The following ABCA1 variants were observed in gnomAD, a reference collection of about 807,000 sequenced individuals.
The protein encoded by ABCA1 is ATP binding cassette subfamily A member 1, also known as phospholipid-transporting ATPase ABCA1.
Under a neutral mutation model 262.5 loss-of-function variants are expected in ABCA1, and 133 were observed. That is an observed-to-expected ratio of 0.51 (90% CI 0.44 to 0.59). The LOEUF (loss-of-function observed/expected upper bound fraction) is 0.59. Among genes scored for constraint, ABCA1 ranks in the 20% least tolerant of loss-of-function variants. The pLI, the probability that ABCA1 is intolerant of heterozygous loss-of-function variation, is 0.00. For missense variants in ABCA1, 2,452 were observed against 2,777.5 expected, an observed-to-expected ratio of 0.88 and a Z score of 2.63; for synonymous variants, 1,022 against 1,043.5, an observed-to-expected ratio of 0.98 and a Z score of 0.40.
chr9:104,828,525 C>T (rs1348557765), intron 15 of ABCA1, among the ~76,000 whole-genome samples: 2 of 152,172 alleles, frequency 1.3e-5, no homozygotes, highest in Non-Finnish European at 2.9e-5. Context: ...GTCTAACCTG[C>T]AACAATATAT....
At chr9:104,835,198 A>C (rs897115758) in intron 11 of ABCA1, among the ~76,000 whole-genome samples, 9 of 151,762 alleles carry the variant, frequency 5.9e-5, no homozygotes, top group African/African-American at 2.2e-4. Context: ...TGGTGAGCCA[A>C]GATCATGCCA....
At position 104,829,017 on chromosome 9, in the gene ABCA1, G is replaced by A. The variant is rs759576379; in HGVS notation, c.2014C>T (p.Arg672Trp). 37 of 1,614,020 alleles carry A rather than the reference G, an allele frequency of 2.3e-5. No homozygotes were observed. Among genetic ancestry groups the A allele is most frequent in the East Asian group, 1.8e-4 (8 of 44,892 alleles). ...ATGCTGTTGTCCAGGCCCATGATCCGCATGGTCTCTTTCAGCCGTGCCTCC... is the reference window on the plus strand; with the variant it reads ...ATGCTGTTGTCCAGGCCCATGATCCACATGGTCTCTTTCAGCCGTGCCTCC... ...EKEARLKETM[R>W]IMGLDNSILW... Residue 672 changes from arginine (R) to tryptophan (W), a missense_variant, in exon 15 of 50, where the codon CGG (arginine) becomes TGG (tryptophan). Transcript: ENST00000374736.
intron 7 of ABCA1, among the ~76,000 whole-genome samples, chr9:104,849,130 A>C (rs966272210): frequency 1.1e-4 from 16 of 152,128 alleles, no homozygotes; most frequent in Non-Finnish European, 1.5e-5. Context: ...TTTTAGTTTA[A>C]ATTTCTTAAC....
intron 49 of ABCA1, among the ~76,000 whole-genome samples, chr9:104,784,872 G>A (rs1828783309): frequency 1.3e-5 from 2 of 152,168 alleles, no homozygotes; most frequent in East Asian, 1.9e-4. Context: ...TGGATCTCCT[G>A]ACCTCATGAT....
intron 7 of ABCA1, chr9:104,855,782 C>T: frequency 6.4e-7 from 1 of 1,568,658 alleles, no homozygotes; most frequent in Non-Finnish European, 8.6e-7. Flanking sequence ...AGCTGACCCT[C>T]CCACACTGCC....
rs756549407 is a variant in ABCA1, at chr9:104,787,961, T to C, written c.6163A>G (p.Thr2055Ala). 7 of 1,614,216 alleles carry C rather than the reference T, an allele frequency of 4.3e-6. No homozygotes were observed. The South Asian group carries it at 7.7e-5, about 18-fold the overall frequency. Residue 2055 changes from threonine (T) to alanine (A), a missense_variant, in exon 46 of 50, where the codon ACA (threonine) becomes GCA (alanine). By Grantham distance (58) the Thr-to-Ala change is moderately conservative. Transcript: ENST00000374736. ...GGCCCGCCGATCAAAGCCATGGCTGTAGAGAGCTTGCGTTTGTTGCCTCCA... is the reference window on the plus strand; with the variant it reads ...GGCCCGCCGATCAAAGCCATGGCTGCAGAGAGCTTGCGTTTGTTGCCTCCA... ...YSGGNKRKLSTAMALIGGPPV... is the reference protein window; with the variant it reads ...YSGGNKRKLSAAMALIGGPPV...
chr9:104,878,318 A>C (rs1197766622), intron 5 of ABCA1, among the ~76,000 whole-genome samples: 1 of 152,236 alleles, frequency 6.6e-6, no homozygotes, highest in African/African-American at 2.4e-5. Context: ...AGTTCCAGTG[A>C]TGAGAAAAGT....
chr9:104,814,534 C>G, intron 25 of ABCA1, 59 bp from the exon 26 acceptor site: 2 of 1,487,112 alleles, frequency 1.3e-6, no homozygotes, highest in South Asian at 2.3e-5. Context: ...GTAGTCACCA[C>G]TGCCACGATT....
Position 104,793,243 on chromosome 9 carries a change from G to A in ABCA1, c.5564C>T (p.Ala1855Val). 6.2e-7 allele frequency: 1 copy of A among 1,614,102 alleles called. No homozygotes were observed. Among genetic ancestry groups the A allele is most frequent in the Non-Finnish European group, 8.5e-7 (1 of 1,180,004 alleles). The change falls in exon 41 of 50, where the codon GCC (alanine) becomes GTC (valine). Residue 1855 changes from alanine to valine, a missense_variant. Physicochemically the swap from Ala to Val is moderately conservative, Grantham distance 64. This residue lies in a region of ABCA1 where 752 missense variants were observed against 944.5 expected (regional missense o/e 0.80). Coordinates refer to ENST00000374736, the MANE Select transcript of ABCA1 (RefSeq NM_005502.4). Reference protein sequence around the residue: ...SWDLVGRNLFAMAVEGVVFFL... With the variant: ...SWDLVGRNLFVMAVEGVVFFL... The stretch of plus-strand genomic sequence containing the variant: ...GAACACCACCCCTTCCACGGCCATG[G>A]CGAAGAGGTTTCGTCCCACCAAGTC...
chr9:104,863,840 G>T (rs1272092767), intron 5 of ABCA1, among the ~76,000 whole-genome samples: 1 of 152,174 alleles, frequency 6.6e-6, no homozygotes, highest in East Asian at 1.9e-4. Flanking sequence ...ACTCTACACT[G>T]TTAGCATTAG....
At chr9:104,887,504 A>G (rs1839284952) in intron 3 of ABCA1, among the ~76,000 whole-genome samples, 1 of 152,150 alleles carries the variant, frequency 6.6e-6, no homozygotes, top group Non-Finnish European at 1.5e-5. Context: ...CCACTACACC[A>G]TCTTGCCTGC....
At position 104,792,827 on chromosome 9, in the gene ABCA1, C is replaced by T. The variant is rs1829542269; in HGVS notation, c.5716G>A (p.Gly1906Arg). Residue 1906 changes from glycine (G) to arginine (R), a missense_variant, in exon 42 of 50, where the codon GGA (glycine) becomes AGA (arginine). Transcript: ENST00000374736. ...RRERQRILDGGGQNDILEIKE... is the reference protein window; with the variant it reads ...RRERQRILDGRGQNDILEIKE... The stretch of plus-strand genomic sequence containing the variant: ...ATTTCTAAGATGTCATTCTGGCCTC[C>T]ACCATCAAGAATTCTCTGTCTTTCC... The T allele has an allele frequency of 6.2e-7, 1 of 1,614,022 alleles. No individual in the cohort carries two copies. Among genetic ancestry groups the T allele is most frequent in the African/African-American group, 1.3e-5 (1 of 74,914 alleles).
chr9:104,894,507 T>G (rs1445572214), intron 2 of ABCA1, among the ~76,000 whole-genome samples: 1 of 152,224 alleles, frequency 6.6e-6, no homozygotes, highest in Non-Finnish European at 1.5e-5. Flanking sequence ...TTATACACAT[T>G]AACTCATTTA....
chr9:104,838,836 C>T (rs569852106), intron 9 of ABCA1, among the ~76,000 whole-genome samples: 2 of 151,068 alleles, frequency 1.3e-5, no homozygotes, highest in African/African-American at 4.9e-5. Flanking sequence ...AATGAGGATG[C>T]CCTCACAATT....
intron 7 of ABCA1, 151 bp downstream of exon 7, chr9:104,858,371 A>G: frequency 1.1e-6 from 1 of 872,618 alleles, no homozygotes; most frequent in Non-Finnish European, 1.9e-6. Flanking sequence ...AAGAACACTA[A>G]GAACACTTAG....
intron 31 of ABCA1, among the ~76,000 whole-genome samples, chr9:104,805,562 T>C (rs1374878111): frequency 6.6e-6 from 1 of 152,122 alleles, no homozygotes; most frequent in Non-Finnish European, 1.5e-5. Context: ...ACAGAGTCTC[T>C]AAGAATACCA....
intron 2 of ABCA1, among the ~76,000 whole-genome samples, chr9:104,895,969 C>T (rs934533984): frequency 6.6e-6 from 1 of 152,010 alleles, no homozygotes; most frequent in South Asian, 2.1e-4. Context: ...ATGCACTCCG[C>T]GCTGAAAAAT....
At chr9:104,884,303 T>C (rs1008159814) in intron 4 of ABCA1, 124 bp downstream of exon 4, 1 of 1,287,020 alleles carries the variant, frequency 7.8e-7, no homozygotes, top group Non-Finnish European at 1.1e-6. Flanking sequence ...GCAGACTCTA[T>C]CACACAAGCA....
intron 30 of ABCA1, among the ~76,000 whole-genome samples, chr9:104,806,799 T>C (rs754879768): frequency 6.6e-6 from 1 of 152,070 alleles, no homozygotes; most frequent in Non-Finnish European, 1.5e-5. Context: ...AAGGTGAAAA[T>C]ACCTGCCTTC....
Sources: gnomAD v4.1 joint callset for allele counts (sites outside exome capture counted in the v4.1 genomes callset) on GRCh38, gnomAD v4.1.1 for gene constraint, gnomAD v4.1.1 regional missense constraint, MANE v1.5 for transcripts, NCBI Gene and HGNC (gene_info 2026-07-23, HGNC 2026-07-21) for gene names.